CDH9: variants seen among roughly 807,000 people sequenced by gnomAD.
CDH9 encodes cadherin-9.
In CDH9, 28 loss-of-function variants were observed where a neutral mutation model predicts 70.9. That is an observed-to-expected ratio of 0.40 (90% CI 0.29 to 0.54). The LOEUF is 0.54. Ranked by LOEUF, CDH9 falls within the 20% of genes least tolerant of loss-of-function variation. The probability of loss-of-function intolerance (pLI) is 0.59; values close to 1 mark genes in which losing one functional copy is unlikely to be tolerated. For missense variants in CDH9, 874 were observed against 984.4 expected, an observed-to-expected ratio of 0.89 and a Z score of 1.50; for synonymous variants, 409 against 343.1, an observed-to-expected ratio of 1.19 and a Z score of -2.12.
intron 2 of CDH9, among the ~76,000 whole-genome samples, chr5:26,918,726 A>G (rs1365865000): frequency 6.6e-6 from 1 of 152,166 alleles, no homozygotes; most frequent in Non-Finnish European, 1.5e-5. Context: ...CTGCAAGCCA[A>G]TGTATCAATC....
At chr5:26,993,780 T>C (rs1742621461) in intron 1 of CDH9, among the ~76,000 whole-genome samples, 1 of 151,740 alleles carries the variant, frequency 6.6e-6, no homozygotes, top group Admixed American at 6.6e-5. Context: ...GTATGTGTTG[T>C]TGGTTTCAAA....
rs555002432 is a variant in CDH9 at position 26,890,550 on chromosome 5, C to T, written c.1268G>A (p.Arg423Gln). The T allele has an allele frequency of 5.6e-6, 9 of 1,606,930 alleles. No homozygotes were observed. The highest frequency in any genetic ancestry group is 5.3e-5 in the African/African-American group (4 of 74,890). The part of the protein sequence containing the change: ...RNNLIKYSVD[R>Q]HTDMDRIFGI... ...AAAAATACGGTCCATATCAGTATGCCGATCAACAGAGTACCTGGCAGAAGA... is the reference window on the plus strand; with the variant it reads ...AAAAATACGGTCCATATCAGTATGCTGATCAACAGAGTACCTGGCAGAAGA... The change falls in exon 8 of 12, where the codon CGG becomes CAG. Residue 423 changes from arginine to glutamine, a missense_variant. Physicochemically the swap from Arg to Gln is conservative, Grantham distance 43. Transcript: ENST00000231021.
chr5:27,005,827 C>T (rs1018492171), intron 1 of CDH9, among the ~76,000 whole-genome samples: 2 of 152,100 alleles, frequency 1.3e-5, no homozygotes, highest in Admixed American at 1.3e-4. Flanking sequence ...CCATGGAATA[C>T]TGTGCAGCCA....
intron 2 of CDH9, among the ~76,000 whole-genome samples, chr5:26,923,170 C>T (rs1741276976): frequency 6.7e-6 from 1 of 148,826 alleles, no homozygotes; most frequent in Non-Finnish European, 1.5e-5. Flanking sequence ...TCAGGAAACA[C>T]TACATCTATG....
intron 1 of CDH9, among the ~76,000 whole-genome samples, chr5:27,033,646 CA>C (rs1329173466): frequency 1.3e-5 from 2 of 150,996 alleles, no homozygotes; most frequent in East Asian, 1.9e-4. Flanking sequence ...AAACAAAAAA[CA>C]AAAAAACACA....
Position 26,902,621 on chromosome 5 carries a change from C to T in CDH9, c.1108G>A (p.Val370Ile). The T allele has an allele frequency of 6.2e-7, 1 of 1,601,600 alleles. No homozygotes were observed. Among genetic ancestry groups the T allele is most frequent in the East Asian group, 2.2e-5 (1 of 44,770 alleles). The change falls in exon 7 of 12, where the codon GTC (valine) becomes ATC (isoleucine). Residue 370 changes from valine to isoleucine, a missense_variant. By Grantham distance (29) the Val-to-Ile change is conservative. Transcript: ENST00000231021. ...TCTATATCTTCCACAGATATTTTGA[C>T]CACAGCTGTATCTTTGAAAGGTCCC... ...HLGPFKDTAV[V>I]KISVEDIDEP...
chr5:26,940,104 A>C (rs1741634372), intron 2 of CDH9, among the ~76,000 whole-genome samples: 1 of 151,728 alleles, frequency 6.6e-6, no homozygotes, highest in East Asian at 2.0e-4. Context: ...CAGAGGTTGC[A>C]GTGAGCCAAG....
chr5:27,036,167 A>C (rs930752611), intron 1 of CDH9, among the ~76,000 whole-genome samples: 4 of 151,914 alleles, frequency 2.6e-5, no homozygotes, highest in Non-Finnish European at 4.4e-5. Flanking sequence ...TTGATGCCTG[A>C]ATAGAGCTAA....
intron 1 of CDH9, among the ~76,000 whole-genome samples, chr5:27,029,123 C>A (rs938421994): frequency 6.6e-6 from 1 of 151,276 alleles, no homozygotes; most frequent in Non-Finnish European, 1.5e-5. Flanking sequence ...ATCATGGAAA[C>A]TTTTTTTTTC....
At chr5:26,958,844 A>C (rs16896410) in intron 2 of CDH9, among the ~76,000 whole-genome samples, 1 of 151,964 alleles carries the variant, frequency 6.6e-6, no homozygotes, top group Non-Finnish European at 1.5e-5. Flanking sequence ...AAATAAAATG[A>C]TGGCAATAAT....
intron 2 of CDH9, among the ~76,000 whole-genome samples, chr5:26,960,808 C>T (rs1351134122): frequency 3.7e-5 from 2 of 53,406 alleles, no homozygotes; most frequent in Non-Finnish European, 9.1e-5. Context: ...ATTCTATCCA[C>T]ACTGAAAATC....
chr5:27,028,377 CA>C (rs879753148), intron 1 of CDH9: 2,623 of 129,584 alleles, frequency 0.02, 43 homozygotes, highest in African/African-American at 0.054. Context: ...AGACCTGTCT[CA>C]AAAAAAAAAA....
At chr5:27,012,718 G>A (rs1417177311) in intron 1 of CDH9, among the ~76,000 whole-genome samples, 2 of 152,100 alleles carry the variant, frequency 1.3e-5, no homozygotes, top group South Asian at 2.1e-4. Flanking sequence ...GTGTAAAAAT[G>A]TACTCTAACT....
chr5:26,982,105 A>C (rs1432585722), intron 2 of CDH9, among the ~76,000 whole-genome samples: 5 of 151,890 alleles, frequency 3.3e-5, no homozygotes, highest in Non-Finnish European at 5.9e-5. Flanking sequence ...GATCATCTGC[A>C]AGTTTTTCCC....
At chr5:26,932,137 T>C (rs1324853291) in intron 2 of CDH9, among the ~76,000 whole-genome samples, 1 of 146,512 alleles carries the variant, frequency 6.8e-6, no homozygotes, top group East Asian at 2.0e-4. Context: ...CATTTTTTTA[T>C]TATTGGTTTT....
At chr5:26,998,935 T>C (rs1331278567) in intron 1 of CDH9, among the ~76,000 whole-genome samples, 2 of 152,006 alleles carry the variant, frequency 1.3e-5, no homozygotes, top group Non-Finnish European at 1.5e-5. Flanking sequence ...AAATAAGATA[T>C]GCATCTATGT....
chr5:26,988,083 A>G, intron 2 of CDH9, 23 bp downstream of exon 2: 2 of 1,550,408 alleles, frequency 1.3e-6, no homozygotes, highest in South Asian at 1.1e-5. Flanking sequence ...CAGCTTTTAG[A>G]TTTCTCATAC....
At chr5:26,918,223 TTACA>T (rs1462021111) in intron 2 of CDH9, among the ~76,000 whole-genome samples, 1 of 152,130 alleles carries the variant, frequency 6.6e-6, no homozygotes, top group African/African-American at 2.4e-5. Flanking sequence ...CCTCACCTTT[TTACA>T]CCTTTACCTT....
chr5:27,038,373 A>G (rs1743430344), intron 1 of CDH9, 90 bp downstream of exon 1: 1 of 151,980 alleles, frequency 6.6e-6, no homozygotes, highest in Admixed American at 6.6e-5. Flanking sequence ...AAATATAGCA[A>G]CTAGGAGAAA....
Sources: gnomAD v4.1 joint callset for allele counts (sites outside exome capture counted in the v4.1 genomes callset) on GRCh38, gnomAD v4.1.1 for gene constraint, MANE v1.5 for transcripts, NCBI Gene and HGNC (gene_info 2026-07-23, HGNC 2026-07-21) for gene names.